NXPH1: variants seen among roughly 807,000 people sequenced by gnomAD.
NXPH1 encodes neurexophilin 1.
A neutral mutation model predicts 23.7 loss-of-function variants in NXPH1; 5 were observed. That is an observed-to-expected ratio of 0.21 (90% CI 0.11 to 0.44). The LOEUF (loss-of-function observed/expected upper bound fraction) is 0.44, where lower values mean the gene tolerates loss of function less well. Ranked by LOEUF, NXPH1 falls within the 20% of genes least tolerant of loss-of-function variation. The pLI is 0.99. For synonymous variants in NXPH1, 144 were observed against 122.2 expected, an observed-to-expected ratio of 1.18 and a Z score of -1.18; for missense variants, 324 against 321.6, an observed-to-expected ratio of 1.01 and a Z score of -0.06.
At chr7:8,735,557 T>A (rs759281849) in intron 2 of NXPH1, among the ~76,000 whole-genome samples, 10 of 152,350 alleles carry the variant, frequency 6.6e-5, no homozygotes, top group Non-Finnish European at 8.8e-5. Context: ...TATTGAGGAT[T>A]TTCACATTGA....
intron 2 of NXPH1, among the ~76,000 whole-genome samples, chr7:8,447,433 TGCAGAACATG>T (rs1816424690): frequency 6.6e-6 from 1 of 152,238 alleles, no homozygotes; most frequent in Non-Finnish European, 1.5e-5. Context: ...GTGGAGATTT[TGCAGAACATG>T]GCAGAGTTTT....
rs540327861 is a variant in NXPH1, at chr7:8,486,136, G to C, written c.54+50369G>C. Among the ~76,000 whole-genome samples, 99 of 152,256 alleles carry C rather than the reference G, an allele frequency of 6.5e-4. 5 individuals are homozygous for C. The South Asian group carries it at 0.02, about 31-fold the overall frequency. On this transcript the variant is annotated intron_variant, in intron 2 of 2. Transcript: ENST00000405863. ...AAAATATTTTATTTCTGATAAAATT[G>C]ATTTTGGAGATTGTAATTTTTATCT...
intron 2 of NXPH1, among the ~76,000 whole-genome samples, chr7:8,517,712 G>A (rs1331030497): frequency 6.6e-6 from 1 of 152,144 alleles, no homozygotes; most frequent in Non-Finnish European, 1.5e-5. Context: ...GTGGAGCGGA[G>A]GTCAGGGAAG....
Position 8,696,183 on chromosome 7 carries a change from C to T in NXPH1, c.55-54825C>T, listed in dbSNP as rs1019494489. On this transcript the variant is annotated intron_variant, in intron 2 of 2. Transcript: ENST00000405863. Reference sequence around the variant, plus strand: ...TGAACTGTTTTGGAAAACTAACTTACGTTTTCTGGTGGCACACATAGTCTA... The same window carrying T: ...TGAACTGTTTTGGAAAACTAACTTATGTTTTCTGGTGGCACACATAGTCTA... Among the ~76,000 whole-genome samples, 8 of 152,288 alleles carry T rather than the reference C, an allele frequency of 5.3e-5. No homozygotes were observed. The East Asian group carries it at 1.3e-3, about 26-fold the overall frequency.
At chr7:8,437,087 C>G (rs1391203465) in intron 2 of NXPH1, among the ~76,000 whole-genome samples, 2 of 152,200 alleles carry the variant, frequency 1.3e-5, no homozygotes, top group African/African-American at 2.4e-5. Flanking sequence ...CGCCAGAGGG[C>G]GCTGCGCATC....
chr7:8,649,403 C>G (rs1049461812), intron 2 of NXPH1, among the ~76,000 whole-genome samples: 2 of 152,092 alleles, frequency 1.3e-5, no homozygotes, highest in African/African-American at 4.8e-5. Context: ...ACTTTACAAA[C>G]ATGAAAATCA....
intron 2 of NXPH1, among the ~76,000 whole-genome samples, chr7:8,453,001 T>G (rs769308501): frequency 2.6e-5 from 4 of 152,118 alleles, no homozygotes; most frequent in Admixed American, 2.0e-4. Flanking sequence ...CCCAGGAATA[T>G]AGTATCTGCA....
At chr7:8,709,796 C>A (rs922842094) in intron 2 of NXPH1, among the ~76,000 whole-genome samples, 1 of 152,046 alleles carries the variant, frequency 6.6e-6, no homozygotes, top group African/African-American at 2.4e-5. Context: ...TTCTAAGAAT[C>A]TAGAAATTAT....
At chr7:8,498,804 A>G (rs1817382882) in intron 2 of NXPH1, among the ~76,000 whole-genome samples, 1 of 152,078 alleles carries the variant, frequency 6.6e-6, no homozygotes, top group South Asian at 2.1e-4. Context: ...AGAGCTTAGT[A>G]AGAGGGATAA....
chr7:8,438,835 G>A (rs1816243756), intron 2 of NXPH1, among the ~76,000 whole-genome samples: 1 of 152,092 alleles, frequency 6.6e-6, no homozygotes, highest in African/African-American at 2.4e-5. Flanking sequence ...GGATTTTTGT[G>A]TTTTTTGAGA....
intron 2 of NXPH1, among the ~76,000 whole-genome samples, chr7:8,708,486 G>A (rs561337523): frequency 1.1e-4 from 17 of 151,854 alleles, no homozygotes; most frequent in East Asian, 5.8e-4. Context: ...TTAGCCTCCC[G>A]TGTAGCTGGG....
chr7:8,480,740 G>A (rs1817059180), intron 2 of NXPH1, among the ~76,000 whole-genome samples: 1 of 152,040 alleles, frequency 6.6e-6, no homozygotes, highest in Admixed American at 6.6e-5. Context: ...TTGCCACCCG[G>A]CAATTGTAAG....
intron 2 of NXPH1, among the ~76,000 whole-genome samples, chr7:8,704,769 T>C (rs1013515948): frequency 2.6e-5 from 4 of 151,742 alleles, no homozygotes; most frequent in Admixed American, 2.6e-4. Context: ...AAAGATAAAA[T>C]TGTAGGTCTG....
At chr7:8,540,303 C>A (rs535159959) in intron 2 of NXPH1, among the ~76,000 whole-genome samples, 4 of 151,702 alleles carry the variant, frequency 2.6e-5, no homozygotes, top group Non-Finnish European at 5.9e-5. Context: ...CTTCTGCTGT[C>A]GGTAAAAGTG....
chr7:8,554,574 C>G (rs982903636), intron 2 of NXPH1, among the ~76,000 whole-genome samples: 2 of 151,706 alleles, frequency 1.3e-5, no homozygotes, highest in African/African-American at 4.8e-5. Flanking sequence ...GTTCCACATA[C>G]TTCCACATCC....
chr7:8,476,225 C>G (rs1314575329), intron 2 of NXPH1, among the ~76,000 whole-genome samples: 1 of 152,146 alleles, frequency 6.6e-6, no homozygotes, highest in African/African-American at 2.4e-5. Context: ...GAATCTCTGG[C>G]CTGTTCTTGG....
At chr7:8,705,819 C>G (rs767968394) in intron 2 of NXPH1, among the ~76,000 whole-genome samples, 1 of 152,170 alleles carries the variant, frequency 6.6e-6, no homozygotes, top group Non-Finnish European at 1.5e-5. Context: ...CAACATTTCT[C>G]TCTGCCATAA....
intron 2 of NXPH1, among the ~76,000 whole-genome samples, chr7:8,684,373 T>A (rs766419823): frequency 2.6e-5 from 4 of 152,206 alleles, no homozygotes; most frequent in Non-Finnish European, 5.9e-5. Flanking sequence ...CGATACTTGA[T>A]GTGAAAGGTT....
intron 2 of NXPH1, among the ~76,000 whole-genome samples, chr7:8,504,234 T>C (rs1386614510): frequency 6.6e-6 from 1 of 152,002 alleles, no homozygotes; most frequent in African/African-American, 2.4e-5. Flanking sequence ...CTTCTTAGGA[T>C]AGCAGTACTA....
Sources: gnomAD v4.1 joint callset for allele counts (sites outside exome capture counted in the v4.1 genomes callset) on GRCh38, gnomAD v4.1.1 for gene constraint, MANE v1.5 for transcripts, NCBI Gene and HGNC (gene_info 2026-07-23, HGNC 2026-07-21) for gene names.